Variants in PRKCE observed in about 807,000 individuals in gnomAD.
The protein encoded by PRKCE is protein kinase C epsilon, also known as protein kinase C epsilon type.
PRKCE carries 16 observed loss-of-function variants against 85.4 expected under a neutral mutation model. That is an observed-to-expected ratio of 0.19 (90% CI 0.13 to 0.28). PRKCE has a LOEUF of 0.28. Among genes scored for constraint, PRKCE ranks in the 10% least tolerant of loss-of-function variants. The pLI, the probability that PRKCE is intolerant of heterozygous loss-of-function variation, is 1.00. For missense variants in PRKCE, 573 were observed against 975.2 expected, an observed-to-expected ratio of 0.59 and a Z score of 5.49; for synonymous variants, 388 against 371.5, an observed-to-expected ratio of 1.04 and a Z score of -0.51.
chr2:46,066,995 G>A (rs1440372598), intron 10 of PRKCE, among the ~76,000 whole-genome samples: 3 of 152,148 alleles, frequency 2.0e-5, no homozygotes, highest in Non-Finnish European at 4.4e-5. Context: ...GAACTAGAAC[G>A]GCTAATAAAA....
intron 11 of PRKCE, among the ~76,000 whole-genome samples, chr2:46,129,205 C>T (rs1381190373): frequency 6.6e-6 from 1 of 152,174 alleles, no homozygotes; most frequent in Non-Finnish European, 1.5e-5. Flanking sequence ...AAAGGCTCAT[C>T]AGCACCGTCA....
intron 1 of PRKCE, among the ~76,000 whole-genome samples, chr2:45,740,605 G>A (rs1351701368): frequency 6.6e-6 from 1 of 152,100 alleles, no homozygotes; most frequent in African/African-American, 2.4e-5. Flanking sequence ...ATCTCCCCAG[G>A]GGCCTGACTT....
chr2:45,926,308 A>G (rs1698610409), intron 2 of PRKCE, among the ~76,000 whole-genome samples: 1 of 152,224 alleles, frequency 6.6e-6, no homozygotes, highest in African/African-American at 2.4e-5. Context: ...GCTTTGTTTC[A>G]GGGCAACTGC....
At chr2:45,851,116 A>G (rs559830035) in intron 2 of PRKCE, among the ~76,000 whole-genome samples, 1 of 152,200 alleles carries the variant, frequency 6.6e-6, no homozygotes, top group African/African-American at 2.4e-5. Context: ...AGCCACAAAC[A>G]CTTCCACGTG....
intron 2 of PRKCE, among the ~76,000 whole-genome samples, chr2:45,936,380 G>C (rs1699455919): frequency 6.6e-6 from 1 of 152,234 alleles, no homozygotes; most frequent in Non-Finnish European, 1.5e-5. Context: ...GGAAACCTTT[G>C]GGCCAGCACC....
chr2:45,699,845 C>T (rs114722050), intron 1 of PRKCE, among the ~76,000 whole-genome samples: 1 of 152,162 alleles, frequency 6.6e-6, no homozygotes, highest in African/African-American at 2.4e-5. Context: ...CCGGAAGGCA[C>T]CAGTGTGGAT....
intron 10 of PRKCE, among the ~76,000 whole-genome samples, chr2:46,029,726 C>G (rs1707387499): frequency 6.6e-6 from 1 of 150,458 alleles, no homozygotes; most frequent in South Asian, 2.1e-4. Flanking sequence ...ACAATGCTGG[C>G]TGACTCCTGA....
chr2:45,829,125 A>G (rs1690194783), intron 1 of PRKCE, among the ~76,000 whole-genome samples: 1 of 152,060 alleles, frequency 6.6e-6, no homozygotes, highest in Non-Finnish European at 1.5e-5. Flanking sequence ...CTAATATTAC[A>G]CTCTTAAAAA....
At chr2:45,914,268 G>T (rs1697591423) in intron 2 of PRKCE, among the ~76,000 whole-genome samples, 1 of 152,224 alleles carries the variant, frequency 6.6e-6, no homozygotes, top group South Asian at 2.1e-4. Context: ...ATGCTGGAGT[G>T]TCTAGAATAG....
intron 3 of PRKCE, chr2:45,978,411 C>T (rs1215304582): frequency 1.3e-5 from 2 of 153,040 alleles, no homozygotes; most frequent in Non-Finnish European, 2.9e-5. Context: ...TTCTGTCTTG[C>T]CCTGGGAACA....
chr2:46,067,337 A>G (rs1667706965), intron 10 of PRKCE, among the ~76,000 whole-genome samples: 1 of 152,220 alleles, frequency 6.6e-6, no homozygotes, highest in Admixed American at 6.5e-5. Context: ...TAGGAAAAGA[A>G]TGGTACTTAA....
intron 1 of PRKCE, among the ~76,000 whole-genome samples, chr2:45,824,860 T>C (rs2105354928): frequency 1.3e-5 from 2 of 152,290 alleles, no homozygotes; most frequent in Non-Finnish European, 2.9e-5. Flanking sequence ...GTCTCTTCTT[T>C]CTCTTCTCCC....
At chr2:46,033,536 T>G (rs1313052130) in intron 10 of PRKCE, among the ~76,000 whole-genome samples, 2 of 152,162 alleles carry the variant, frequency 1.3e-5, no homozygotes, top group African/African-American at 4.8e-5. Context: ...GATCTGCATT[T>G]TAAAATGCAA....
intron 2 of PRKCE, among the ~76,000 whole-genome samples, chr2:45,867,897 C>T (rs1693735800): frequency 1.3e-5 from 2 of 152,176 alleles, no homozygotes; most frequent in Non-Finnish European, 2.9e-5. Flanking sequence ...AGGACAGCCC[C>T]TTGGGAAGCC....
rs190858478 is a variant in PRKCE at position 45,895,183 on chromosome 2, C to T, written c.412+52120C>T. On this transcript the variant is annotated intron_variant, in intron 2 of 14. Coordinates refer to ENST00000306156, the MANE Select transcript of PRKCE (RefSeq NM_005400.3). This position sits in a 1 kb window ranked among gnomAD's most constrained non-coding sequence, Gnocchi z 4.8. ...AGAAAGGAAGGAAGTTTTTTTCAGG[C>T]GGAGTGGGTTGGATGAGGCACATGT... is the stretch of plus-strand genomic sequence containing the variant. Among the ~76,000 whole-genome samples the T allele has an allele frequency of 5.5e-4, 84 of 152,170 alleles. No individual in the cohort carries two copies. Among genetic ancestry groups the T allele is most frequent in the Admixed American group, 1.6e-3 (24 of 15,294 alleles).
chr2:46,003,132 A>C (rs1392307836), intron 7 of PRKCE, among the ~76,000 whole-genome samples: 2 of 152,172 alleles, frequency 1.3e-5, no homozygotes, highest in Non-Finnish European at 2.9e-5. Context: ...AATTGGGAAA[A>C]ACCAAGTTGT....
chr2:45,742,646 T>G (rs1682675433), intron 1 of PRKCE, among the ~76,000 whole-genome samples: 1 of 152,050 alleles, frequency 6.6e-6, no homozygotes, highest in African/African-American at 2.4e-5. Flanking sequence ...GGAGATAACA[T>G]GTTGGTGAGG....
chr2:45,984,232 C>A (rs747862097), intron 5 of PRKCE, among the ~76,000 whole-genome samples: 3 of 152,122 alleles, frequency 2.0e-5, no homozygotes, highest in Non-Finnish European at 4.4e-5. Context: ...TCCACTGCAC[C>A]CGGCCTGAGG....
intron 10 of PRKCE, among the ~76,000 whole-genome samples, chr2:46,057,932 A>G (rs369293967): frequency 3.3e-5 from 5 of 152,320 alleles, no homozygotes; most frequent in African/African-American, 1.2e-4. Flanking sequence ...TTTCTACACT[A>G]ACTGAAGTGA....
Sources: gnomAD v4.1 joint callset for allele counts (sites outside exome capture counted in the v4.1 genomes callset) on GRCh38, gnomAD v4.1.1 for gene constraint, Gnocchi (gnomAD v3.1) non-coding constraint, MANE v1.5 for transcripts, NCBI Gene and HGNC (gene_info 2026-07-23, HGNC 2026-07-21) for gene names.